NFIB: variants seen among roughly 807,000 people sequenced by gnomAD.
NFIB encodes the protein nuclear factor 1 B-type.
Under a neutral mutation model 61.5 loss-of-function variants are expected in NFIB, and 11 were observed. The ratio of observed to expected loss-of-function variants is 0.18; its 90% CI spans 0.11 to 0.30. NFIB has a LOEUF of 0.30. NFIB is among the 10% of genes least tolerant of loss of function. NFIB has a pLI of 1.00. For missense variants in NFIB, 471 were observed against 608.9 expected, an observed-to-expected ratio of 0.77 and a Z score of 2.38; for synonymous variants, 260 against 216.5, an observed-to-expected ratio of 1.20 and a Z score of -1.76.
the NFIB span, among the ~76,000 whole-genome samples, chr9:14,428,904 A>G: frequency 6.6e-6 from 1 of 152,192 alleles, no homozygotes; most frequent in Non-Finnish European, 1.5e-5. Context: ...GAAGAAAAAA[A>G]CAGAAAGAAA....
At chr9:14,239,473 G>T (rs1013883395) in intron 2 of NFIB, among the ~76,000 whole-genome samples, 1 of 152,124 alleles carries the variant, frequency 6.6e-6, no homozygotes, top group Admixed American at 6.6e-5. Context: ...CATTTCTGAT[G>T]AAAGTTACAG....
At chr9:14,370,792 T>G (rs148750779) in intron 1 of NFIB, among the ~76,000 whole-genome samples, 1 of 152,204 alleles carries the variant, frequency 6.6e-6, no homozygotes, top group African/African-American at 2.4e-5. Flanking sequence ...ATCAATTTCT[T>G]TGTTTAAATG....
the NFIB span, among the ~76,000 whole-genome samples, chr9:14,496,718 T>C: frequency 1.3e-5 from 2 of 152,174 alleles, no homozygotes; most frequent in African/African-American, 4.8e-5. Context: ...AAAGAAAATG[T>C]CAAACAGAAA....
At chr9:14,093,854 G>C (rs2118628595) in intron 10 of NFIB, among the ~76,000 whole-genome samples, 1 of 152,154 alleles carries the variant, frequency 6.6e-6, no homozygotes, top group Middle Eastern at 3.4e-3. Context: ...CAGACCAGTA[G>C]AAGGAACAAA....
chr9:14,424,085 C>G, the NFIB span, among the ~76,000 whole-genome samples: 2 of 152,138 alleles, frequency 1.3e-5, no homozygotes, highest in Non-Finnish European at 2.9e-5. Flanking sequence ...TCCAGTCTCT[C>G]CAACTGTCTA....
In NFIB at chr9:14,084,175, A is replaced by G. The variant is rs1821980971; in HGVS notation, c.*4134T>C. On this transcript the variant is annotated 3_prime_UTR_variant, in exon 11 of 11. Transcript: ENST00000380953. The stretch of plus-strand genomic sequence containing the variant: ...TAATACATAACTTAAGAGACTGGAG[A>G]GTTTTAACTCAAGTCCAGTCTCTAA... 5.0e-6 allele frequency: 1 copy of G among 201,814 alleles called. No individual in the cohort carries two copies. The allele number at this position is 201,814 out of a possible 1,614,324, so 12.5% of individuals were successfully genotyped here.
intron 2 of NFIB, among the ~76,000 whole-genome samples, chr9:14,293,122 A>G (rs776199192): frequency 2.0e-5 from 3 of 152,210 alleles, no homozygotes; most frequent in Admixed American, 6.5e-5. Flanking sequence ...GTGCGTTACA[A>G]TGAAATCTGG....
the NFIB span, among the ~76,000 whole-genome samples, chr9:14,516,278 A>G: frequency 6.6e-6 from 1 of 152,154 alleles, no homozygotes; most frequent in South Asian, 2.1e-4. Flanking sequence ...AAATCAGTAC[A>G]ACATTTGGGA....
chr9:14,406,418 G>A, the NFIB span, among the ~76,000 whole-genome samples: 3 of 152,180 alleles, frequency 2.0e-5, no homozygotes, highest in Non-Finnish European at 4.4e-5. Context: ...GCTGGGCCAT[G>A]GTGAGCCATG....
rs571085992 is a variant in NFIB at position 14,314,069 on chromosome 9, G to A, written c.-558C>T. The stretch of plus-strand genomic sequence containing the variant: ...CCCCAAGCACTGCGGCAGGATCCCG[G>A]AGTGGTGATCGCAGGCGAAACTTTG... On this transcript the variant is annotated 5_prime_UTR_variant, in exon 1 of 11. Transcript: ENST00000380953. 2.5e-3 allele frequency: 2,633 copies of A among 1,060,658 alleles called. 5 individuals carry two copies. Among genetic ancestry groups the A allele is most frequent in the Middle Eastern group, 5.1e-3 (12 of 2,372 alleles). 65.7% of individuals were successfully genotyped at this position (1,060,658 alleles called of 1,614,324 possible). A position where few individuals can be genotyped will look rare whatever the true frequency, so the allele number is the denominator to read the frequency against.
At chr9:14,427,950 T>TTTTTTTTG in the NFIB span, among the ~76,000 whole-genome samples, 1 of 105,264 alleles carries the variant, frequency 9.5e-6, no homozygotes, top group African/African-American at 3.5e-5. Flanking sequence ...TTTTTTTTTT[T>TTTTTTTTG]TTTTTTTTTT....
the NFIB span, among the ~76,000 whole-genome samples, chr9:14,490,992 GA>G: frequency 2.0e-5 from 3 of 152,234 alleles, no homozygotes; most frequent in African/African-American, 7.2e-5. Context: ...ATTGACTAAA[GA>G]ATAAATAATT....
chr9:14,309,391 T>G (rs2060179551), intron 1 of NFIB, among the ~76,000 whole-genome samples: 2 of 152,200 alleles, frequency 1.3e-5, no homozygotes, highest in Admixed American at 1.3e-4. Context: ...CTAACATTGC[T>G]GTAAGTGTTC....
intron 2 of NFIB, among the ~76,000 whole-genome samples, chr9:14,264,509 G>C (rs2057036311): frequency 1.3e-5 from 2 of 152,146 alleles, no homozygotes; most frequent in South Asian, 4.1e-4. Flanking sequence ...GTGAGAAAAA[G>C]ACATATTACT....
At chr9:14,418,983 A>T in the NFIB span, among the ~76,000 whole-genome samples, 1 of 152,110 alleles carries the variant, frequency 6.6e-6, no homozygotes, top group African/African-American at 2.4e-5. Context: ...GCATTTCTAA[A>T]TCCATCCCAG....
chr9:14,284,584 CA>C (rs1192888669), intron 2 of NFIB, among the ~76,000 whole-genome samples: 1 of 152,050 alleles, frequency 6.6e-6, no homozygotes, highest in Non-Finnish European at 1.5e-5. Flanking sequence ...AAGATGCAAC[CA>C]AAAAACTTAT....
intron 2 of NFIB, among the ~76,000 whole-genome samples, chr9:14,295,845 T>C (rs1196120829): frequency 6.6e-6 from 1 of 152,210 alleles, no homozygotes; most frequent in Non-Finnish European, 1.5e-5. Context: ...AAAATTGAGT[T>C]ATTTATTCAG....
chr9:14,124,353 G>A (rs1414390052), intron 7 of NFIB, among the ~76,000 whole-genome samples: 1 of 152,100 alleles, frequency 6.6e-6, no homozygotes, highest in Non-Finnish European at 1.5e-5. Flanking sequence ...AATGGTATAG[G>A]TAATAAATGC....
Position 14,083,047 on chromosome 9 carries a change from G to C in NFIB, c.*5262C>G, listed in dbSNP as rs2032268847. 2 of 205,448 alleles carry C rather than the reference G, an allele frequency of 9.7e-6. No individual in the cohort carries two copies. The allele number at this position is 205,448 out of a possible 1,614,324, so 12.7% of individuals were successfully genotyped here. ...CACAATCTCAACATACATTTGAATTGCAACACACAGATATTTCTAGAGTAT... is the reference window on the plus strand; with the variant it reads ...CACAATCTCAACATACATTTGAATTCCAACACACAGATATTTCTAGAGTAT... On this transcript the variant is annotated 3_prime_UTR_variant, in exon 11 of 11. Coordinates refer to ENST00000380953, the MANE Select transcript of NFIB (RefSeq NM_001190737.2).
Sources: gnomAD v4.1 joint callset for allele counts (sites outside exome capture counted in the v4.1 genomes callset) on GRCh38, gnomAD v4.1.1 for gene constraint, MANE v1.5 for transcripts, NCBI Gene and HGNC (gene_info 2026-07-23, HGNC 2026-07-21) for gene names.